Variants in XRN2 observed in about 807,000 individuals in gnomAD.
XRN2 encodes 5'-3' exoribonuclease 2, also known as DHM1-like protein.
In XRN2, 44 loss-of-function variants were observed where a neutral mutation model predicts 138.5. The observed-to-expected ratio is 0.32, with a 90% confidence interval of 0.25 to 0.41. The LOEUF is 0.41. XRN2 is among the 10% of genes least tolerant of loss of function. XRN2 has a pLI of 1.00. For synonymous variants in XRN2, 354 were observed against 369.4 expected (o/e 0.96, Z 0.48); for missense variants, 937 against 1,169.3 (o/e 0.80, Z 2.90).
intron 20 of XRN2, among the ~76,000 whole-genome samples, chr20:21,351,666 C>T (rs183433242): frequency 7.2e-5 from 11 of 152,170 alleles, no homozygotes; most frequent in Non-Finnish European, 8.8e-5. Flanking sequence ...TTACCAAATC[C>T]GACATCATGA....
intron 26 of XRN2, among the ~76,000 whole-genome samples, chr20:21,368,048 G>T (rs2038722285): frequency 6.6e-6 from 1 of 151,982 alleles, no homozygotes; most frequent in Non-Finnish European, 1.5e-5. Flanking sequence ...TTTATGTGTT[G>T]GAATTACAAA....
chr20:21,348,121 G>T (rs1313265349), intron 17 of XRN2, 25 bp from the exon 18 acceptor site: 3 of 1,573,366 alleles, frequency 1.9e-6, no homozygotes, highest in Admixed American at 4.1e-5. Flanking sequence ...TTTTGATTTT[G>T]TTGTTACTTT....
chr20:21,356,000 C>T, intron 21 of XRN2, 80 bp from the exon 22 acceptor site: 7 of 928,458 alleles, frequency 7.5e-6, no homozygotes, highest in South Asian at 1.8e-5. Flanking sequence ...AGATGCTTTC[C>T]CTTGTTTTAT....
intron 3 of XRN2, among the ~76,000 whole-genome samples, chr20:21,327,900 C>G (rs569942322): frequency 1.3e-5 from 2 of 152,288 alleles, no homozygotes; most frequent in East Asian, 3.9e-4. Flanking sequence ...GAAAATCTTA[C>G]AATCTAGTTC....
In XRN2 at chr20:21,329,649, C is replaced by CT. The variant is rs573345478; in HGVS notation, c.428-824dup. 2.1e-3 allele frequency among the ~76,000 whole-genome samples: 316 copies of CT among 151,926 alleles called. 1 individual carries two copies. The highest frequency in any genetic ancestry group is 3.1e-3 in the Non-Finnish European group (211 of 67,938). On this transcript the variant is annotated intron_variant, in intron 4 of 29. Transcript: ENST00000377191. ...ACAATGTTTCTGATTTTAAGAATGT[C>CT]TTTTTTTTGAAGATGTGATGAAATA...
intron 1 of XRN2, chr20:21,303,757 A>G: frequency 1.7e-6 from 2 of 1,192,088 alleles, no homozygotes; most frequent in Non-Finnish European, 2.1e-6. Flanking sequence ...CGGCACCGGA[A>G]GGCCCCGCCC....
intron 27 of XRN2, among the ~76,000 whole-genome samples, chr20:21,375,391 G>C (rs2038809595): frequency 6.6e-6 from 1 of 151,738 alleles, no homozygotes; most frequent in African/African-American, 2.4e-5. Context: ...TTTTGAGATG[G>C]AGACTTAGGT....
At chr20:21,348,315 G>A (rs2038464098) in intron 18 of XRN2, 26 bp from the exon 19 acceptor site, 9 of 1,612,122 alleles carry the variant, frequency 5.6e-6, no homozygotes, top group Non-Finnish European at 7.6e-6. Context: ...ATAATCTTGG[G>A]TCTTTAATGT....
intron 20 of XRN2, among the ~76,000 whole-genome samples, chr20:21,350,214 T>A (rs2038488273): frequency 6.6e-6 from 1 of 152,102 alleles, no homozygotes; most frequent in Non-Finnish European, 1.5e-5. Flanking sequence ...GTAATGATGA[T>A]TGAATGTAAA....
chr20:21,323,536 G>T (rs992822966), intron 1 of XRN2, among the ~76,000 whole-genome samples: 6 of 152,194 alleles, frequency 3.9e-5, no homozygotes, highest in Non-Finnish European at 8.8e-5. Flanking sequence ...TCAGTTCTTT[G>T]TTGAGCATCA....
chr20:21,356,623 A>G lies in XRN2; in HGVS notation c.2156A>G (p.Gln719Arg). 6.2e-7 allele frequency: 1 copy of G among 1,613,720 alleles called. No individual in the cohort carries two copies. Among genetic ancestry groups the G allele is most frequent in the Non-Finnish European group, 8.5e-7 (1 of 1,179,714 alleles). The change falls in exon 23 of 30, where the codon CAA (glutamine) becomes CGA (arginine). Residue 719 changes from glutamine (Q) to arginine (R), a missense_variant. Transcript: ENST00000377191. ...EVPPELCHGI[Q>R]GKFSLDEEAI... ...CCCCCTGAACTATGTCATGGGATTC[A>G]AGGAAAGTTTTCTTTGGATGAAGAA...
intron 24 of XRN2, among the ~76,000 whole-genome samples, chr20:21,361,787 T>C (rs554785009): frequency 6.6e-6 from 1 of 152,376 alleles, no homozygotes; most frequent in South Asian, 2.1e-4. Flanking sequence ...TGTTTGACTT[T>C]TAGGAAGTTT....
intron 9 of XRN2, among the ~76,000 whole-genome samples, chr20:21,333,016 T>C (rs1342866663): frequency 6.6e-6 from 1 of 152,158 alleles, no homozygotes; most frequent in Non-Finnish European, 1.5e-5. Flanking sequence ...ATATGCTTTT[T>C]GAGGGGGGAA....
At chr20:21,363,767 C>A (rs913791440) in intron 24 of XRN2, among the ~76,000 whole-genome samples, 7 of 151,952 alleles carry the variant, frequency 4.6e-5, no homozygotes, top group African/African-American at 1.7e-4. Flanking sequence ...TTTTAAAAAC[C>A]TTTTTAACTG....
rs186081042 is a variant in XRN2 at position 21,330,651 on chromosome 20, T to C, written c.522T>C (p.Leu174=). 118 of 1,613,580 alleles carry C rather than the reference T, an allele frequency of 7.3e-5. No individual in the cohort carries two copies. In the African/African-American group the frequency reaches 8.1e-4, roughly 11 times the overall value. Reference sequence around the variant, plus strand: ...TCATGGACAATCTTGCTAAATGCCTTCGCTATTACATAGCTGATCGTTTAA... The same window carrying C: ...TCATGGACAATCTTGCTAAATGCCTCCGCTATTACATAGCTGATCGTTTAA... ...TEFMDNLAKC[L]RYYIADRLNN... is the part of the protein sequence containing the mutation. The change falls in exon 6 of 30, where the codon CTT becomes CTC. Residue 174 remains leucine (L), a synonymous_variant. Coordinates refer to ENST00000377191, the MANE Select transcript of XRN2 (RefSeq NM_012255.5).
Position 21,382,075 on chromosome 20 carries a change from C to G in XRN2, c.2648+18C>G. On this transcript the variant is annotated intron_variant, in intron 28 of 29. Coordinates refer to ENST00000377191, the MANE Select transcript of XRN2 (RefSeq NM_012255.5). ...TTTGACAGGTAATATTAAAAGTAGACATGACTTTTAAATACTTTCTGACAC... is the reference window on the plus strand; with the variant it reads ...TTTGACAGGTAATATTAAAAGTAGAGATGACTTTTAAATACTTTCTGACAC... 2 of 1,597,186 alleles carry G rather than the reference C, an allele frequency of 1.3e-6. No homozygotes were observed. The highest frequency in any genetic ancestry group is 2.3e-5 in the South Asian group (2 of 88,572).
intron 1 of XRN2, among the ~76,000 whole-genome samples, chr20:21,323,189 T>G (rs946730705): frequency 6.6e-6 from 1 of 152,244 alleles, no homozygotes; most frequent in Non-Finnish European, 1.5e-5. Context: ...TTGGAGGTAC[T>G]GCACTCCATC....
chr20:21,322,121 AC>A (rs1366955003), intron 1 of XRN2, among the ~76,000 whole-genome samples: 4 of 152,126 alleles, frequency 2.6e-5, no homozygotes, highest in African/African-American at 9.7e-5. Context: ...GATACTCCAG[AC>A]CTCACAAGGT....
intron 1 of XRN2, among the ~76,000 whole-genome samples, chr20:21,324,225 A>T (rs945891876): frequency 1.3e-5 from 2 of 151,650 alleles, no homozygotes; most frequent in African/African-American, 2.4e-5. Flanking sequence ...TTCTTGATTC[A>T]CAGCATGTAT....
Sources: gnomAD v4.1 joint callset for allele counts (sites outside exome capture counted in the v4.1 genomes callset) on GRCh38, gnomAD v4.1.1 for gene constraint, MANE v1.5 for transcripts, NCBI Gene and HGNC (gene_info 2026-07-23, HGNC 2026-07-21) for gene names.